TUBGCP6: variants seen among roughly 807,000 people sequenced by gnomAD.
TUBGCP6 encodes tubulin gamma complex component 6.
TUBGCP6 carries 161 observed loss-of-function variants against 175.8 expected under a neutral mutation model. The ratio of observed to expected loss-of-function variants is 0.92; its 90% CI spans 0.81 to 1.04. The LOEUF (loss-of-function observed/expected upper bound fraction) is 1.04. Ranked by LOEUF, TUBGCP6 falls within the 50% of genes least tolerant of loss-of-function variation. The pLI, the probability that TUBGCP6 is intolerant of heterozygous loss-of-function variation, is 0.00. For missense variants in TUBGCP6, 2,572 were observed against 2,433.0 expected (o/e 1.06, Z -1.20); for synonymous variants, 1,173 against 1,030.5 (o/e 1.14, Z -2.65).
intron 2 of TUBGCP6, among the ~76,000 whole-genome samples, chr22:50,237,567 A>G (rs1191529938): frequency 1.3e-5 from 2 of 152,218 alleles, no homozygotes; most frequent in Non-Finnish European, 2.9e-5. Flanking sequence ...TTCACTCTGC[A>G]GGGCCCTGGG....
chr22:50,218,589 T>C lies in TUBGCP6; in HGVS notation c.4853A>G (p.Glu1618Gly), dbSNP rs1267986161. Residue 1618 changes from glutamate to glycine, a missense_variant, in exon 22 of 25, where the codon GAG (glutamate) becomes GGG (glycine). Coordinates refer to ENST00000248846, the MANE Select transcript of TUBGCP6 (RefSeq NM_020461.4). The part of the protein sequence containing the change: ...VDWPLNIVIT[E>G]GCVSKYSGVF... ...GCCGCTGTACTTGCTCACGCAGCCCTCGGTGATGACAATGTTGAGAGGCCA... is the reference window on the plus strand; with the variant it reads ...GCCGCTGTACTTGCTCACGCAGCCCCCGGTGATGACAATGTTGAGAGGCCA... 1.4e-5 allele frequency: 22 copies of C among 1,613,614 alleles called. No homozygotes were observed. Among genetic ancestry groups the C allele is most frequent in the South Asian group, 9.9e-5 (9 of 91,064 alleles).
chr22:50,237,306 G>A lies in TUBGCP6; in HGVS notation c.905+2898C>T, dbSNP rs953894691. 3.9e-5 allele frequency among the ~76,000 whole-genome samples: 6 copies of A among 152,344 alleles called. No homozygotes were observed. In the South Asian group the frequency reaches 1.0e-3, roughly 26 times the overall value. ...GAGAAGGCTCAATTTCTGGCTAGGC[G>A]GCAGTTTCTTTAGCCACCTGCTGGT... On this transcript the variant is annotated intron_variant, in intron 2 of 24. Transcript: ENST00000248846.
chr22:50,226,743 G>A lies in TUBGCP6; in HGVS notation c.1591C>T (p.Pro531Ser). The change falls in exon 7 of 25, where the codon CCC (proline) becomes TCC (serine). Residue 531 changes from proline to serine, a missense_variant. Physicochemically the swap from Pro to Ser is moderately conservative, Grantham distance 74 (BLOSUM62 -1). Coordinates refer to ENST00000248846, the MANE Select transcript of TUBGCP6 (RefSeq NM_020461.4). ...LLSLLKTSCEPYTRFIHDWVY... is the reference protein window; with the variant it reads ...LLSLLKTSCESYTRFIHDWVY... ...CAGCCCACTGCCCACCGGGTGTAGG[G>A]CTCGCAGCTGGTCTTCAGCAGGGAC... The A allele has an allele frequency of 6.3e-7, 1 of 1,582,764 alleles. No individual in the cohort carries two copies. Among genetic ancestry groups the A allele is most frequent in the Non-Finnish European group, 8.6e-7 (1 of 1,165,388 alleles).
chr22:50,220,627 G>C lies in TUBGCP6; in HGVS notation c.3732C>G (p.His1244Gln), dbSNP rs140699312. Residue 1244 changes from histidine (H) to glutamine (Q), a missense_variant, in exon 16 of 25, where the codon CAC (histidine) becomes CAG (glutamine). Physicochemically the swap from His to Gln is conservative, Grantham distance 24. Transcript: ENST00000248846. ...CCAAGCTGATGCTGGCGTCGGACACGTGTCCATGGGTGTTGCACCGTGACC... is the reference window on the plus strand; with the variant it reads ...CCAAGCTGATGCTGGCGTCGGACACCTGTCCATGGGTGTTGCACCGTGACC... ...PIRSRCNTHGHVSDASISLGE... is the reference protein window; with the variant it reads ...PIRSRCNTHGQVSDASISLGE... The C allele has an allele frequency of 4.0e-5, 65 of 1,612,108 alleles. No individual in the cohort carries two copies. In the African/African-American group the frequency reaches 8.4e-4, roughly 21 times the overall value.
intron 13 of TUBGCP6, chr22:50,223,911 C>T: frequency 1.8e-6 from 1 of 553,734 alleles, no homozygotes; most frequent in Non-Finnish European, 3.2e-6. Flanking sequence ...CAGGCCTCGC[C>T]TGGACCCTAA....
At chr22:50,230,438 C>T (rs921116542) in intron 3 of TUBGCP6, among the ~76,000 whole-genome samples, 7 of 151,850 alleles carry the variant, frequency 4.6e-5, no homozygotes, top group African/African-American at 1.5e-4. Flanking sequence ...AAAGCCCCGT[C>T]TCTACTAAAA....
At chr22:50,233,559 G>A (rs372321749) in intron 2 of TUBGCP6, 33 bp from the exon 3 acceptor site, 1 of 1,564,172 alleles carries the variant, frequency 6.4e-7, no homozygotes, top group African/African-American at 1.4e-5. Context: ...GCCATGAGCA[G>A]ACGTGGTGAC....
intron 2 of TUBGCP6, among the ~76,000 whole-genome samples, chr22:50,235,941 G>GAAAA (rs542229305): frequency 8.0e-6 from 1 of 124,264 alleles, no homozygotes; most frequent in Non-Finnish European, 1.7e-5. Context: ...CTCCATCTCG[G>GAAAA]AAAAAAAAAA....
At chr22:50,239,368 G>A (rs2064813244) in intron 2 of TUBGCP6, among the ~76,000 whole-genome samples, 1 of 152,088 alleles carries the variant, frequency 6.6e-6, no homozygotes, top group Admixed American at 6.5e-5. Context: ...GTAGAGACGG[G>A]GTTTCACCAT....
chr22:50,218,855 C>T lies in TUBGCP6; in HGVS notation c.4669G>A (p.Val1557Met), dbSNP rs554751109. 1.2e-6 allele frequency: 2 copies of T among 1,613,842 alleles called. No individual in the cohort carries two copies. Among genetic ancestry groups the T allele is most frequent in the African/African-American group, 1.3e-5 (1 of 75,060 alleles). Residue 1557 changes from valine (V) to methionine (M), a missense_variant, in exon 21 of 25, where the codon GTG becomes ATG. Val to Met is a conservative substitution (Grantham distance 21). Coordinates refer to ENST00000248846, the MANE Select transcript of TUBGCP6 (RefSeq NM_020461.4). ...QTPGELLNPL[V>M]LNSVLSKALQ... ...GCCTTGCTCAGCACAGAGTTCAGCA[C>T]CAGCGGGTTGAGCAGCTCTCCGGGC...
chr22:50,227,789 G>C (rs1202930847), intron 5 of TUBGCP6, 118 bp downstream of exon 5: 19 of 1,414,668 alleles, frequency 1.3e-5, no homozygotes, highest in Non-Finnish European at 1.7e-5. Flanking sequence ...CCGGTCGCCT[G>C]CTGAGGGCTG....
At position 50,218,122 on chromosome 22, in the gene TUBGCP6, G is replaced by A. The variant is rs777828441; in HGVS notation, c.5169-5C>T. 33 of 1,611,838 alleles carry A rather than the reference G, an allele frequency of 2.0e-5. No individual in the cohort carries two copies. The highest frequency in any genetic ancestry group is 2.6e-5 in the Non-Finnish European group (31 of 1,179,464). The stretch of plus-strand genomic sequence containing the variant: ...GCCTTCTCCGTGAGCAGGCCCCTGG[G>A]GGGAAGCAGTGCTGCTGGGTGGGCT... On this transcript the variant is annotated splice_region_variant and splice_polypyrimidine_tract_variant and intron_variant, in intron 23 of 24. Transcript: ENST00000248846.
intron 13 of TUBGCP6, chr22:50,223,879 A>G (rs570328480): frequency 5.0e-6 from 2 of 398,998 alleles, no homozygotes; most frequent in African/African-American, 4.0e-5. Flanking sequence ...ATAAATAAAG[A>G]GACAGGACCC....
intron 13 of TUBGCP6, chr22:50,223,607 C>T (rs1364508635): frequency 3.9e-5 from 6 of 154,076 alleles, no homozygotes; most frequent in African/African-American, 1.2e-4. Context: ...GGTTAAACCC[C>T]GTCTGTACTA....
chr22:50,223,745 A>G lies in TUBGCP6; in HGVS notation c.2270+396T>C, dbSNP rs547934322. ...CAGTGAGCCGAGATTGTGCCACTGC[A>G]CTCCAGCCTGGGTGACAGAGCAAGA... is the stretch of plus-strand genomic sequence containing the variant. On this transcript the variant is annotated intron_variant, in intron 13 of 24. Coordinates refer to ENST00000248846, the MANE Select transcript of TUBGCP6 (RefSeq NM_020461.4). 5 of 145,104 alleles carry G rather than the reference A, an allele frequency of 3.4e-5. No individual in the cohort carries two copies. The South Asian group carries it at 8.9e-4, about 26-fold the overall frequency. 9.0% of individuals were successfully genotyped at this position (145,104 alleles called of 1,614,324 possible). A position where few individuals can be genotyped will look rare whatever the true frequency, so the allele number is the denominator to read the frequency against.
rs763868492 is a variant in TUBGCP6, at chr22:50,221,756, G to T, written c.2603C>A (p.Pro868His). 2 of 1,515,582 alleles carry T rather than the reference G, an allele frequency of 1.3e-6. No homozygotes were observed. The highest frequency in any genetic ancestry group is 4.5e-5 in the Admixed American group (2 of 44,336). 93.9% of individuals were successfully genotyped at this position (1,515,582 alleles called of 1,614,324 possible). A position where few individuals can be genotyped will look rare whatever the true frequency, so the allele number is the denominator to read the frequency against. Reference protein sequence around the residue: ...WNRPGLLTPQPLKPLAVGAGG... With the variant: ...WNRPGLLTPQHLKPLAVGAGG... ...AGCCCCCACTGCTAGAGGCTTAAGG[G>T]GCTGTGGGGTCAGCAGGCCTGGCCT... The change falls in exon 16 of 25, where the codon CCC (proline) becomes CAC (histidine). Residue 868 changes from proline to histidine, a missense_variant. Physicochemically the swap from Pro to His is moderately conservative, Grantham distance 77. Coordinates refer to ENST00000248846, the MANE Select transcript of TUBGCP6 (RefSeq NM_020461.4).
chr22:50,235,098 C>T (rs922068222), intron 2 of TUBGCP6, among the ~76,000 whole-genome samples: 2 of 151,712 alleles, frequency 1.3e-5, no homozygotes, highest in African/African-American at 4.9e-5. Context: ...ACATCATCCA[C>T]AACCCTATCC....
At chr22:50,228,114 A>G (rs2064639554) in intron 4 of TUBGCP6, 86 bp from the exon 5 acceptor site, 2 of 1,406,482 alleles carry the variant, frequency 1.4e-6, no homozygotes, top group Non-Finnish European at 9.4e-7. Context: ...TGCTGGGAAC[A>G]GCGCTTTGTT....
chr22:50,230,882 G>C (rs1014945037), intron 3 of TUBGCP6, among the ~76,000 whole-genome samples: 1 of 151,376 alleles, frequency 6.6e-6, no homozygotes, highest in African/African-American at 2.4e-5. Flanking sequence ...TCAGGGGTTT[G>C]AGACCAGCCT....
Sources: gnomAD v4.1 joint callset for allele counts (sites outside exome capture counted in the v4.1 genomes callset) on GRCh38, gnomAD v4.1.1 for gene constraint, MANE v1.5 for transcripts, NCBI Gene and HGNC (gene_info 2026-07-23, HGNC 2026-07-21) for gene names.